The following SLC18A1 variants were observed in gnomAD, a reference collection of about 807,000 sequenced individuals.
The protein encoded by SLC18A1 is solute carrier family 18 member A1.
Under a neutral mutation model 53.7 loss-of-function variants are expected in SLC18A1, and 69 were observed. The observed-to-expected ratio is 1.28, with a 90% confidence interval of 1.06 to 1.57. The LOEUF is 1.57. Ranked by LOEUF, SLC18A1 falls within the 40% of genes most tolerant of loss-of-function variation. SLC18A1 has a pLI of 0.00. For synonymous variants in SLC18A1, 320 were observed against 248.1 expected (o/e 1.29, Z -2.72); for missense variants, 932 against 668.1 (o/e 1.40, Z -4.35).
chr8:20,158,349 C>T (rs1585200312), intron 10 of SLC18A1, among the ~76,000 whole-genome samples: 1 of 152,150 alleles, frequency 6.6e-6, no homozygotes, highest in East Asian at 1.9e-4. Context: ...TGCCTGAAGG[C>T]CCCACTTCTT....
In SLC18A1 at chr8:20,179,070, T is replaced by C. The variant is rs763532351; in HGVS notation, c.488+51A>G. The stretch of plus-strand genomic sequence containing the variant: ...TTCCAACCCCCTTTCTATACTTTTC[T>C]AGTCCTCCTACTCCTGTGTACCCTG... On this transcript the variant is annotated intron_variant, in intron 3 of 15. Coordinates refer to ENST00000276373, the MANE Select transcript of SLC18A1 (RefSeq NM_003053.4). 3 of 1,538,450 alleles carry C rather than the reference T, an allele frequency of 2.0e-6. No homozygotes were observed. The African/African-American group carries it at 4.1e-5, about 21-fold the overall frequency.
intron 8 of SLC18A1, among the ~76,000 whole-genome samples, chr8:20,168,640 C>T (rs1010604413): frequency 6.6e-6 from 1 of 152,020 alleles, no homozygotes; most frequent in Admixed American, 6.6e-5. Context: ...AGTGCAGTGG[C>T]TTACTGCAAC....
intron 12 of SLC18A1, 82 bp from the exon 13 acceptor site, chr8:20,148,152 G>T: frequency 8.0e-7 from 1 of 1,251,542 alleles, no homozygotes; most frequent in Non-Finnish European, 1.2e-6. Flanking sequence ...CACATGAAAT[G>T]CATTTATTCA....
Position 20,171,149 on chromosome 8 carries a change from A to G in SLC18A1, c.815-3T>C, listed in dbSNP as rs1585216734. On this transcript the variant is annotated splice_region_variant and splice_polypyrimidine_tract_variant and intron_variant, in intron 7 of 15. Transcript: ENST00000276373. The stretch of plus-strand genomic sequence containing the variant: ...CTGTAGGATGCAAAGCTGGAGTGCT[A>G]AGAAACAAAGAAGGTGAGACAGTTC... 1 of 1,614,162 alleles carries G rather than the reference A, an allele frequency of 6.2e-7. No individual in the cohort carries two copies. Among genetic ancestry groups the G allele is most frequent in the Non-Finnish European group, 8.5e-7 (1 of 1,179,996 alleles).
At position 20,171,476 on chromosome 8, in the gene SLC18A1, C is replaced by T; in HGVS notation, c.743G>A (p.Ser248Asn). 1 of 1,614,120 alleles carries T rather than the reference C, an allele frequency of 6.2e-7. No individual in the cohort carries two copies. The change falls in exon 7 of 16, where the codon AGT becomes AAT. Residue 248 changes from serine to asparagine, a missense_variant. Physicochemically the swap from Ser to Asn is conservative, Grantham distance 46. Transcript: ENST00000276373. ...CTTCCCAACAAACTCGTACATTACA[C>T]TTCCAAAGGGAGCTCCCACTGGAGA... ...LGLLVGAPFG[S>N]VMYEFVGKSA... is the part of the protein sequence containing the mutation.
At chr8:20,155,664 T>C (rs1353319808) in intron 10 of SLC18A1, among the ~76,000 whole-genome samples, 1 of 152,180 alleles carries the variant, frequency 6.6e-6, no homozygotes, top group African/African-American at 2.4e-5. Flanking sequence ...AGCCCCAGAA[T>C]TCTCCTTACC....
intron 6 of SLC18A1, among the ~76,000 whole-genome samples, 185 bp downstream of exon 6, chr8:20,172,851 G>T (rs996850774): frequency 3.9e-5 from 6 of 152,156 alleles, no homozygotes; most frequent in Non-Finnish European, 7.4e-5. Flanking sequence ...TTTCTCCGAC[G>T]TTTATGTGTT....
At chr8:20,180,706 C>CAAA in intron 2 of SLC18A1, 135 bp downstream of exon 2, 1 of 1,135,170 alleles carries the variant, frequency 8.8e-7, no homozygotes, top group Non-Finnish European at 1.2e-6. Flanking sequence ...TTCCAGTCCC[C>CAAA]AACAACCTCT....
intron 2 of SLC18A1, 102 bp downstream of exon 2, chr8:20,180,739 G>A: frequency 6.8e-7 from 1 of 1,466,260 alleles, no homozygotes; most frequent in Non-Finnish European, 9.3e-7. Context: ...GCATAAAAAG[G>A]AAAATTCTCA....
intron 8 of SLC18A1, among the ~76,000 whole-genome samples, chr8:20,166,083 A>C (rs1418170968): frequency 1.3e-5 from 2 of 152,128 alleles, no homozygotes; most frequent in Non-Finnish European, 2.9e-5. Flanking sequence ...ATTTAAAAGT[A>C]CAATAAACCC....
At chr8:20,149,605 T>C (rs983188103) in intron 12 of SLC18A1, 71 bp downstream of exon 12, 9 of 1,227,560 alleles carry the variant, frequency 7.3e-6, no homozygotes, top group South Asian at 1.2e-5. Flanking sequence ...TCTCTCTCTC[T>C]CTCTCTCTCT....
chr8:20,181,255 T>C (rs1364267454), intron 1 of SLC18A1, among the ~76,000 whole-genome samples, 168 bp from the exon 2 acceptor site: 1 of 152,172 alleles, frequency 6.6e-6, no homozygotes, highest in African/African-American at 2.4e-5. Flanking sequence ...TGGATTTATA[T>C]CTAGCCATTA....
At chr8:20,175,481 A>C (rs2072232409) in intron 4 of SLC18A1, 1 of 152,244 alleles carries the variant, frequency 6.6e-6, no homozygotes, top group Non-Finnish European at 1.5e-5. Flanking sequence ...ATTGCAGTAA[A>C]GACAAGTGTG....
At chr8:20,168,359 C>T (rs540636363) in intron 8 of SLC18A1, among the ~76,000 whole-genome samples, 2 of 151,502 alleles carry the variant, frequency 1.3e-5, no homozygotes, top group African/African-American at 4.8e-5. Context: ...AGAAAGAGGC[C>T]CTGTCTCCAA....
intron 10 of SLC18A1, among the ~76,000 whole-genome samples, chr8:20,154,307 A>G (rs935704139): frequency 2.6e-5 from 4 of 152,220 alleles, no homozygotes; most frequent in African/African-American, 9.6e-5. Context: ...GCCAAGATCC[A>G]CAGTTATCCA....
chr8:20,166,321 A>ATG lies in SLC18A1; in HGVS notation c.859-1215_859-1214insCA, dbSNP rs1347823281. 8.8e-3 allele frequency among the ~76,000 whole-genome samples: 858 copies of ATG among 97,102 alleles called. 22 individuals are homozygous for ATG. The highest frequency in any genetic ancestry group is 0.036 in the Middle Eastern group (6 of 168). The allele number at this position is 97,102 out of a possible 152,430, so 63.7% of individuals were successfully genotyped here. A position where few individuals can be genotyped will look rare whatever the true frequency, so the allele number is the denominator to read the frequency against. On this transcript the variant is annotated intron_variant, in intron 8 of 15. Transcript: ENST00000276373. ...TATATATATATATATATATATATATATATATATATACACCACCAGGTGGAA... is the reference window on the plus strand; with the variant it reads ...TATATATATATATATATATATATATATGTATATATATACACCACCAGGTGGAA...
At chr8:20,180,706 C>T in intron 2 of SLC18A1, 135 bp downstream of exon 2, 1 of 1,135,170 alleles carries the variant, frequency 8.8e-7, no homozygotes, top group Non-Finnish European at 1.2e-6. Flanking sequence ...TTCCAGTCCC[C>T]AACAACCTCT....
At chr8:20,147,866 T>A (rs1222137468) in intron 13 of SLC18A1, 141 bp downstream of exon 13, 44 of 1,441,724 alleles carry the variant, frequency 3.1e-5, no homozygotes, top group Non-Finnish European at 4.2e-5. Context: ...TACGAGCTCA[T>A]CTCTCCACAA....
intron 10 of SLC18A1, among the ~76,000 whole-genome samples, chr8:20,161,012 C>T (rs1002009783): frequency 6.6e-6 from 1 of 152,210 alleles, no homozygotes; most frequent in Non-Finnish European, 1.5e-5. Flanking sequence ...CACTTCTCAA[C>T]ACTGTTGCAT....
Sources: allele counts gnomAD v4.1 joint callset (sites outside exome capture counted in the v4.1 genomes callset), GRCh38; gene constraint gnomAD v4.1.1; transcripts MANE v1.5; gene names NCBI Gene and HGNC (gene_info 2026-07-23, HGNC 2026-07-21).